The following CDYL variants were observed in gnomAD, a reference collection of about 807,000 sequenced individuals.
CDYL encodes chromodomain Y like.
CDYL carries 8 observed loss-of-function variants against 47.3 expected under a neutral mutation model. The observed-to-expected ratio is 0.17, with a 90% CI of 0.10 to 0.31. The LOEUF is 0.31. Among genes scored for constraint, CDYL ranks in the 10% least tolerant of loss-of-function variants. CDYL has a pLI of 1.00. For missense variants in CDYL, 471 were observed against 701.4 expected, an observed-to-expected ratio of 0.67 and a Z score of 3.71; for synonymous variants, 266 against 265.0, an observed-to-expected ratio of 1.00 and a Z score of -0.04.
At chr6:4,947,952 G>A (rs1758580972) in intron 5 of CDYL, among the ~76,000 whole-genome samples, 4 of 152,166 alleles carry the variant, frequency 2.6e-5, no homozygotes, top group African/African-American at 7.2e-5. Flanking sequence ...GTTTGCTGGG[G>A]TGGGGACGTG....
At chr6:4,876,529 G>A (rs190298835) in intron 1 of CDYL, among the ~76,000 whole-genome samples, 49 of 152,168 alleles carry the variant, frequency 3.2e-4, no homozygotes, top group Non-Finnish European at 6.9e-4. Context: ...GCATGTAGTT[G>A]TAACTTATTG....
chr6:4,715,884 A>G (rs1170161956), intron 2 of CDYL: 2 of 1,613,174 alleles, frequency 1.2e-6, no homozygotes, highest in Non-Finnish European at 1.7e-6. Flanking sequence ...AAACAACGGT[A>G]AGAACTTGCA....
chr6:4,714,549 T>A (rs1022416557), intron 1 of CDYL: 1 of 152,268 alleles, frequency 6.6e-6, no homozygotes, highest in Non-Finnish European at 1.5e-5. Context: ...TGGGCCCCCA[T>A]CACAGCACTG....
At chr6:4,709,324 T>C (rs1347991200) in intron 1 of CDYL, among the ~76,000 whole-genome samples, 1 of 152,216 alleles carries the variant, frequency 6.6e-6, no homozygotes, top group South Asian at 2.1e-4. Flanking sequence ...GCCTGCCAAG[T>C]AGCTGGAATT....
intron 2 of CDYL, among the ~76,000 whole-genome samples, chr6:4,726,699 CAA>C (rs535946910): frequency 1.3e-4 from 16 of 124,618 alleles, no homozygotes; most frequent in Middle Eastern, 4.1e-3. Flanking sequence ...AGACCTGTCT[CAA>C]AAAAAAAAAA....
At chr6:4,944,374 G>A (rs535454810) in intron 5 of CDYL, among the ~76,000 whole-genome samples, 11 of 152,320 alleles carry the variant, frequency 7.2e-5, no homozygotes, top group East Asian at 3.9e-4. Context: ...AAGCAGGACC[G>A]CACAGAGGAA....
At chr6:4,940,774 T>A (rs1420151764) in intron 4 of CDYL, among the ~76,000 whole-genome samples, 1 of 152,226 alleles carries the variant, frequency 6.6e-6, no homozygotes, top group African/African-American at 2.4e-5. Flanking sequence ...CCGGGGGCCC[T>A]GCCCAAGCAG....
intron 1 of CDYL, among the ~76,000 whole-genome samples, chr6:4,848,912 C>T (rs1441197735): frequency 2.6e-5 from 4 of 152,174 alleles, no homozygotes; most frequent in Non-Finnish European, 5.9e-5. Context: ...ATATTTGAAG[C>T]TTATCTTGTT....
chr6:4,748,380 G>GA (rs35748210), intron 3 of CDYL, among the ~76,000 whole-genome samples: 2 of 151,698 alleles, frequency 1.3e-5, no homozygotes, highest in Non-Finnish European at 2.9e-5. Context: ...TTTTCACCTG[G>GA]AAAAAAACAT....
At chr6:4,832,113 T>C (rs1760163688) in intron 1 of CDYL, among the ~76,000 whole-genome samples, 1 of 151,994 alleles carries the variant, frequency 6.6e-6, no homozygotes, top group South Asian at 2.1e-4. Flanking sequence ...CAACACTATG[T>C]TGAATAGGAG....
intron 1 of CDYL, among the ~76,000 whole-genome samples, chr6:4,713,418 C>T (rs986012119): frequency 1.3e-5 from 2 of 152,150 alleles, no homozygotes; most frequent in African/African-American, 4.8e-5. Flanking sequence ...GGCCGCTCTG[C>T]TCTTTGTCAG....
intron 3 of CDYL, among the ~76,000 whole-genome samples, chr6:4,738,885 G>A (rs1757748532): frequency 6.6e-6 from 1 of 152,220 alleles, no homozygotes; most frequent in African/African-American, 2.4e-5. Context: ...AATGTGGCCG[G>A]GCGCAGCGGC....
rs201916892 is a variant in CDYL, at chr6:4,716,056, G to T, written c.103+175G>T. 5.4e-4 allele frequency among the ~76,000 whole-genome samples: 82 copies of T among 151,884 alleles called. 1 individual carries two copies. The East Asian group carries it at 0.013, about 24-fold the overall frequency. On this transcript the variant is annotated intron_variant, in intron 2 of 8. Transcript: ENST00000328908. ...GAGGTCAGGAGATCGAGACCATCCTGGTTAACACGGTGAAACCCCGTCTCT... is the reference window on the plus strand; with the variant it reads ...GAGGTCAGGAGATCGAGACCATCCTTGTTAACACGGTGAAACCCCGTCTCT...
chr6:4,825,991 T>C (rs1759972652), intron 1 of CDYL, among the ~76,000 whole-genome samples: 1 of 152,224 alleles, frequency 6.6e-6, no homozygotes, highest in Non-Finnish European at 1.5e-5. Flanking sequence ...CCAAAACCTT[T>C]GGCCTCAGAG....
At chr6:4,948,556 A>G (rs889177502) in intron 5 of CDYL, among the ~76,000 whole-genome samples, 1 of 152,132 alleles carries the variant, frequency 6.6e-6, no homozygotes, top group African/African-American at 2.4e-5. Context: ...CCTGGGGAAC[A>G]ATGTCTGGAG....
chr6:4,943,786 AAG>A (rs1758432548), intron 5 of CDYL, 30 bp downstream of exon 5: 1 of 1,478,644 alleles, frequency 6.8e-7, no homozygotes, highest in African/African-American at 1.4e-5. Context: ...AAAAAAAAAA[AAG>A]TCATTCTAGA....
chr6:4,808,193 G>A (rs1282325381), intron 1 of CDYL, among the ~76,000 whole-genome samples: 6 of 152,286 alleles, frequency 3.9e-5, no homozygotes, highest in Non-Finnish European at 8.8e-5. Context: ...GGGGCAACAC[G>A]TGCTTGTTGC....
intron 3 of CDYL, among the ~76,000 whole-genome samples, chr6:4,762,675 A>T (rs1271284307): frequency 1.3e-5 from 2 of 148,688 alleles, no homozygotes. Context: ...AAAAAGGTTT[A>T]AGAGCAGATG....
intron 1 of CDYL, among the ~76,000 whole-genome samples, chr6:4,813,588 T>C (rs1477041887): frequency 6.6e-6 from 1 of 152,220 alleles, no homozygotes; most frequent in Non-Finnish European, 1.5e-5. Flanking sequence ...GATGTGTAAA[T>C]ATCTGCTGTG....
Sources: gnomAD v4.1 joint callset for allele counts (sites outside exome capture counted in the v4.1 genomes callset) on GRCh38, gnomAD v4.1.1 for gene constraint, MANE v1.5 for transcripts, NCBI Gene and HGNC (gene_info 2026-07-23, HGNC 2026-07-21) for gene names.